Variants in SDHC observed in about 807,000 individuals in gnomAD.
SDHC encodes the protein succinate dehydrogenase complex subunit C, also known as succinate dehydrogenase cytochrome b560 subunit, mitochondrial.
SDHC carries 11 observed loss-of-function variants against 22.6 expected under a neutral mutation model. The observed-to-expected ratio is 0.49, with a 90% CI of 0.31 to 0.81. SDHC has a LOEUF of 0.81. Ranked by LOEUF, SDHC falls within the 30% of genes least tolerant of loss-of-function variation. The pLI, the probability that SDHC is intolerant of heterozygous loss-of-function variation, is 0.05. For synonymous variants in SDHC, 80 were observed against 77.8 expected, an observed-to-expected ratio of 1.03 and a Z score of -0.15; for missense variants, 160 against 212.0, an observed-to-expected ratio of 0.75 and a Z score of 1.52.
intron 3 of SDHC, among the ~76,000 whole-genome samples, chr1:161,340,022 C>A (rs1192635635): frequency 6.6e-6 from 1 of 152,040 alleles, no homozygotes. Context: ...CACGGCTGGG[C>A]ACAGTGGCTC....
chr1:161,358,495 G>T (rs1353822844), intron 5 of SDHC, among the ~76,000 whole-genome samples: 1 of 151,994 alleles, frequency 6.6e-6, no homozygotes, highest in Non-Finnish European at 1.5e-5. Flanking sequence ...AAATTAGCCA[G>T]GTATGGTGGT....
chr1:161,354,742 C>G (rs1017860452), intron 4 of SDHC, among the ~76,000 whole-genome samples: 2 of 149,978 alleles, frequency 1.3e-5, no homozygotes, highest in African/African-American at 4.9e-5. Flanking sequence ...TCACGCCTCA[C>G]TCTGTTGCCC....
intron 4 of SDHC, among the ~76,000 whole-genome samples, chr1:161,353,617 T>C (rs958384780): frequency 1.3e-5 from 2 of 152,220 alleles, no homozygotes; most frequent in African/African-American, 2.4e-5. Context: ...CTAACACTTT[T>C]GTTTTATTAG....
intron 4 of SDHC, among the ~76,000 whole-genome samples, chr1:161,347,551 G>A (rs554343612): frequency 4.0e-5 from 6 of 148,536 alleles, no homozygotes; most frequent in East Asian, 2.2e-4. Context: ...CACCACACCC[G>A]GCTGAGGTCT....
intron 2 of SDHC, among the ~76,000 whole-genome samples, chr1:161,324,719 G>T (rs566234373): frequency 1.3e-5 from 2 of 152,224 alleles, no homozygotes; most frequent in African/African-American, 4.8e-5. Context: ...TGCTTTAAGG[G>T]TAAATTGTGA....
At chr1:161,343,360 ATG>A (rs1170985122) in intron 4 of SDHC, among the ~76,000 whole-genome samples, 1 of 152,084 alleles carries the variant, frequency 6.6e-6, no homozygotes, top group Non-Finnish European at 1.5e-5. Context: ...AATCTCATAT[ATG>A]TGTGTGTGTA....
intron 5 of SDHC, among the ~76,000 whole-genome samples, chr1:161,361,406 T>G (rs1473705289): frequency 3.3e-5 from 5 of 152,094 alleles, no homozygotes; most frequent in Non-Finnish European, 7.4e-5. Flanking sequence ...AGAAATAGTG[T>G]TCTAGATCTC....
intron 1 of SDHC, among the ~76,000 whole-genome samples, chr1:161,317,550 GTTTTTTTTTTTTT>G (rs34457815): frequency 3.3e-5 from 2 of 59,892 alleles, no homozygotes; most frequent in East Asian, 5.8e-4. Flanking sequence ...TGTGTGTGTG[GTTTTTTTTTTTTT>G]TTTTTTTTTT....
chr1:161,354,749 G>T (rs560594901), intron 4 of SDHC, among the ~76,000 whole-genome samples: 1 of 145,914 alleles, frequency 6.9e-6, no homozygotes, highest in Non-Finnish European at 1.5e-5. Flanking sequence ...TCACTCTGTT[G>T]CCCAGGCTGG....
In SDHC at chr1:161,362,355, G is replaced by T. The variant is rs1366410028; in HGVS notation, c.432G>T (p.Lys144Asn). Reference sequence around the variant, plus strand: ...TGTGGGACCTAGGAAAAGGCCTGAAGATTCCCCAGCTATACCAGTCTGGAG... The same window carrying T: ...TGTGGGACCTAGGAAAAGGCCTGAATATTCCCCAGCTATACCAGTCTGGAG... ...HLMWDLGKGLKIPQLYQSGVV... is the reference protein window; with the variant it reads ...HLMWDLGKGLNIPQLYQSGVV... The change falls in exon 6 of 6, where the codon AAG (lysine) becomes AAT (asparagine). Residue 144 changes from lysine (K) to asparagine (N), a missense_variant. By Grantham distance (94) the Lys-to-Asn change is moderately conservative (BLOSUM62 0). This residue lies in a region of SDHC where 74 missense variants were observed against 128.6 expected (regional missense o/e 0.58). Transcript: ENST00000367975. The T allele has an allele frequency of 1.2e-6, 2 of 1,612,168 alleles. No homozygotes were observed. The highest frequency in any genetic ancestry group is 1.7e-6 in the Non-Finnish European group (2 of 1,179,564).
intron 2 of SDHC, among the ~76,000 whole-genome samples, chr1:161,325,689 C>T (rs1304375908): frequency 1.3e-5 from 2 of 152,148 alleles, no homozygotes; most frequent in Admixed American, 6.6e-5. Context: ...AACCAAGAAA[C>T]TACTGAGGTA....
intron 5 of SDHC, among the ~76,000 whole-genome samples, chr1:161,359,944 C>T (rs1672438696): frequency 6.6e-6 from 1 of 152,104 alleles, no homozygotes; most frequent in African/African-American, 2.4e-5. Flanking sequence ...TTAAGCAAAA[C>T]AACTCTTTGT....
At chr1:161,337,691 T>G (rs1210423335) in intron 3 of SDHC, among the ~76,000 whole-genome samples, 1 of 152,254 alleles carries the variant, frequency 6.6e-6, no homozygotes, top group Admixed American at 6.5e-5. Flanking sequence ...GGGTAACATT[T>G]GAATTCAGCA....
intron 5 of SDHC, among the ~76,000 whole-genome samples, chr1:161,361,791 T>C (rs74653919): frequency 0.12 from 17,243 of 139,614 alleles, 1,359 homozygotes; most frequent in African/African-American, 0.23. Context: ...TGCAGTGAGC[T>C]GAGATCATGC....
At chr1:161,318,936 T>G (rs572043501) in intron 1 of SDHC, among the ~76,000 whole-genome samples, 1 of 152,226 alleles carries the variant, frequency 6.6e-6, no homozygotes, top group African/African-American at 2.4e-5. Context: ...CCCAGCTACT[T>G]GGGAGGCCGA....
At chr1:161,339,391 GCCTAGGTTGA>G (rs1187567402) in intron 3 of SDHC, among the ~76,000 whole-genome samples, 4 of 145,380 alleles carry the variant, frequency 2.8e-5, no homozygotes, top group Non-Finnish European at 6.0e-5. Flanking sequence ...TCATTACGTT[GCCTAGGTTGA>G]CCTTGAACTC....
At position 161,348,316 on chromosome 1, in the gene SDHC, G is replaced by C. The variant is rs576832510; in HGVS notation, c.241+7661G>C. On this transcript the variant is annotated intron_variant, in intron 4 of 5. Transcript: ENST00000367975. The stretch of plus-strand genomic sequence containing the variant: ...TGGGACTACAGGCATGTGTCACCAT[G>C]CCTGGCTAATTTTTGTATTTTTAGT... 1.1e-3 allele frequency among the ~76,000 whole-genome samples: 160 copies of C among 151,762 alleles called. 2 individuals are homozygous for C. Among genetic ancestry groups the C allele is most frequent in the South Asian group, 8.1e-3 (39 of 4,800 alleles).
chr1:161,362,250 T>C (rs1280487752), intron 5 of SDHC, 79 bp from the exon 6 acceptor site: 3 of 1,497,338 alleles, frequency 2.0e-6, no homozygotes, highest in Non-Finnish European at 2.7e-6. Context: ...TTCCTTTAGG[T>C]AGAATTACTT....
At chr1:161,358,204 T>A (rs1198003928) in intron 5 of SDHC, among the ~76,000 whole-genome samples, 2 of 87,408 alleles carry the variant, frequency 2.3e-5, no homozygotes, top group Admixed American at 9.7e-5. Context: ...GGCCAGCTAA[T>A]TTTTTTTTTT....
Sources: gnomAD v4.1 joint callset for allele counts (sites outside exome capture counted in the v4.1 genomes callset) on GRCh38, gnomAD v4.1.1 for gene constraint, gnomAD v4.1.1 regional missense constraint, MANE v1.5 for transcripts, NCBI Gene and HGNC (gene_info 2026-07-23, HGNC 2026-07-21) for gene names.